Variants in GDF1 observed in about 807,000 individuals in gnomAD.
GDF1 encodes embryonic growth/differentiation factor 1.
A neutral mutation model predicts 7.4 loss-of-function variants in GDF1; 8 were observed. The ratio of observed to expected loss-of-function variants is 1.09; its 90% CI spans 0.64 to 1.96. The LOEUF is 1.96. Ranked by LOEUF, GDF1 falls within the 30% of genes most tolerant of loss-of-function variation. GDF1 has a pLI of 0.00. For missense variants in GDF1, 574 were observed against 551.5 expected, an observed-to-expected ratio of 1.04 and a Z score of -0.41; for synonymous variants, 311 against 276.7, an observed-to-expected ratio of 1.12 and a Z score of -1.23.
Position 18,879,300 on chromosome 19 carries a change from A to G in GDF1, c.-482T>C. The G allele has an allele frequency of 6.2e-7, 1 of 1,613,168 alleles. No individual in the cohort carries two copies. Among genetic ancestry groups the G allele is most frequent in the Non-Finnish European group, 8.5e-7 (1 of 1,179,598 alleles). ...AGCAGGAGCGCATTGAAGAAGAAGT[A>G]GAAGGGGATGTCAGGCACCGTGCGC... On this transcript the variant is annotated 5_prime_UTR_variant, in exon 5 of 8. Transcript: ENST00000247005.
At position 18,868,898 on chromosome 19, in the gene GDF1, T is replaced by C; in HGVS notation, c.818A>G (p.Tyr273Cys). The C allele has an allele frequency of 7.1e-7, 1 of 1,410,890 alleles. No individual in the cohort carries two copies. Among genetic ancestry groups the C allele is most frequent in the Non-Finnish European group, 9.3e-7 (1 of 1,074,300 alleles). 87.4% of individuals were successfully genotyped at this position (1,410,890 alleles called of 1,614,324 possible). The change falls in exon 8 of 8, where the codon TAC (tyrosine) becomes TGC (cysteine). Residue 273 changes from tyrosine to cysteine, a missense_variant. Transcript: ENST00000247005. ...PGGACRARRL[Y>C]VSFREVGWHR... ...CCAGCCCACCTCGCGGAAGCTCACG[T>C]ACAGCCGCCGCGCGCGACAAGCGCC...
intron 6 of GDF1, among the ~76,000 whole-genome samples, chr19:18,876,024 G>T (rs957054748): frequency 6.6e-6 from 1 of 152,224 alleles, no homozygotes; most frequent in Non-Finnish European, 1.5e-5. Flanking sequence ...TTGTTATAGA[G>T]TTCCTGGGAA....
In GDF1 at chr19:18,883,541, AAG is replaced by A. The variant is rs531952675; in HGVS notation, c.-733+544_-733+545del. 1.8e-4 allele frequency among the ~76,000 whole-genome samples: 27 copies of A among 149,684 alleles called. 1 individual carries two copies. In the Middle Eastern group the frequency reaches 0.014, roughly 76 times the overall value. ...GAGTGAGACCTTGTCTCAAAAAAAA[AAG>A]AGAGAGAGAAATAAAAGGGTGGATA... is the stretch of plus-strand genomic sequence containing the variant. On this transcript the variant is annotated intron_variant, in intron 3 of 7. Transcript: ENST00000247005.
At chr19:18,886,211 G>A (rs1484838026) in intron 2 of GDF1, among the ~76,000 whole-genome samples, 1 of 151,604 alleles carries the variant, frequency 6.6e-6, no homozygotes, top group Non-Finnish European at 1.5e-5. Context: ...TTCGAGACCA[G>A]CCTGGACAAC....
At chr19:18,869,848 G>A (rs2145988487) in intron 7 of GDF1, 135 bp downstream of exon 7, 1 of 815,292 alleles carries the variant, frequency 1.2e-6, no homozygotes, top group Non-Finnish European at 2.0e-6. Context: ...AGGTGCGGTG[G>A]CCGAAGTTGC....
rs1377289578 is a variant in GDF1, at chr19:18,868,841, A to G, written c.875T>C (p.Leu292Pro). 21 of 1,451,530 alleles carry G rather than the reference A, an allele frequency of 1.4e-5. 1 individual carries two copies. In the South Asian group the frequency reaches 2.0e-4, roughly 14 times the overall value. 89.9% of individuals were successfully genotyped at this position (1,451,530 alleles called of 1,614,324 possible). Residue 292 changes from leucine to proline, a missense_variant, in exon 8 of 8, where the codon CTG becomes CCG. Physicochemically the swap from Leu to Pro is moderately conservative, Grantham distance 98. Coordinates refer to ENST00000247005, the MANE Select transcript of GDF1 (RefSeq NM_001492.6). Reference protein sequence around the residue: ...HRWVIAPRGFLANYCQGQCAL... With the variant: ...HRWVIAPRGFPANYCQGQCAL... Reference sequence around the variant, plus strand: ...GCACTGACCCTGGCAGTAGTTGGCCAGGAAGCCGCGCGGCGCGATGACCCA... The same window carrying G: ...GCACTGACCCTGGCAGTAGTTGGCCGGGAAGCCGCGCGGCGCGATGACCCA...
At chr19:18,887,387 T>C (rs550416217) in intron 2 of GDF1, among the ~76,000 whole-genome samples, 43 of 152,226 alleles carry the variant, frequency 2.8e-4, no homozygotes, top group Admixed American at 2.3e-3. Context: ...GGGACGGGGT[T>C]TCCTTTTGTG....
chr19:18,877,162 C>T (rs2056073693), intron 6 of GDF1, among the ~76,000 whole-genome samples: 1 of 152,210 alleles, frequency 6.6e-6, no homozygotes, highest in South Asian at 2.1e-4. Flanking sequence ...TTCCCTGATA[C>T]TCTCTGGCAC....
intron 3 of GDF1, among the ~76,000 whole-genome samples, chr19:18,882,933 C>T (rs1329846486): frequency 2.0e-5 from 3 of 152,038 alleles, no homozygotes; most frequent in East Asian, 1.9e-4. Flanking sequence ...CCTCATGATC[C>T]GCTCGCCTCG....
chr19:18,871,223 ATTTTTT>A (rs572877061), intron 6 of GDF1, among the ~76,000 whole-genome samples: 5 of 119,792 alleles, frequency 4.2e-5, no homozygotes, highest in Admixed American at 1.7e-4. Context: ...ACTCCCAGCA[ATTTTTT>A]TTTTTTTTTT....
In GDF1 at chr19:18,868,721, G is replaced by A; in HGVS notation, c.995C>T (p.Ala332Val). The change falls in exon 8 of 8, where the codon GCC (alanine) becomes GTC (valine). Residue 332 changes from alanine (A) to valine (V), a missense_variant. Transcript: ENST00000247005. ...ALMHAAAPGA[A>V]DLPCCVPARL... ...CGCGGGCACGCAGCAGGGCAGGTCG[G>A]CGGCTCCCGGGGCGGCCGCGTGCAT... 1 of 1,541,942 alleles carries A rather than the reference G, an allele frequency of 6.5e-7. No individual in the cohort carries two copies. Among genetic ancestry groups the A allele is most frequent in the Non-Finnish European group, 8.8e-7 (1 of 1,141,556 alleles).
In GDF1 at chr19:18,869,130, C is replaced by T; in HGVS notation, c.586G>A (p.Ala196Thr). The stretch of plus-strand genomic sequence containing the variant: ...GCCCAAGCGGCGCCCAGCAGCTCCG[C>T]GCGCACTGGCGGCCCCAGGGCGGGC... Reference protein sequence around the residue: ...LVPALGPPVRAELLGAAWARN... With the variant: ...LVPALGPPVRTELLGAAWARN... Residue 196 changes from alanine to threonine, a missense_variant, in exon 8 of 8, where the codon GCG (alanine) becomes ACG (threonine). By Grantham distance (58) the Ala-to-Thr change is moderately conservative (BLOSUM62 0). Coordinates refer to ENST00000247005, the MANE Select transcript of GDF1 (RefSeq NM_001492.6). The T allele has an allele frequency of 9.1e-7, 1 of 1,099,004 alleles. No homozygotes were observed. Among genetic ancestry groups the T allele is most frequent in the Non-Finnish European group, 1.1e-6 (1 of 902,060 alleles). The allele number at this position is 1,099,004 out of a possible 1,614,324, so 68.1% of individuals were successfully genotyped here. A position where few individuals can be genotyped will look rare whatever the true frequency, so the allele number is the denominator to read the frequency against.
chr19:18,885,914 TGCCATGCCCGGGCAC>T lies in GDF1; in HGVS notation c.-913-1662_-913-1648del, dbSNP rs148606196. 3.7e-4 allele frequency among the ~76,000 whole-genome samples: 57 copies of T among 152,260 alleles called. 3 individuals are homozygous for T. The East Asian group carries it at 0.011, about 29-fold the overall frequency. ...ACAGATGCGGCTGCCCACGGAGTCT[TGCCATGCCCGGGCAC>T]ACCATGCCACCAAGCGCAGGGTCTC... On this transcript the variant is annotated intron_variant, in intron 2 of 7. Coordinates refer to ENST00000247005, the MANE Select transcript of GDF1 (RefSeq NM_001492.6).
chr19:18,886,143 T>C (rs367748928), intron 2 of GDF1, among the ~76,000 whole-genome samples: 25 of 150,166 alleles, frequency 1.7e-4, no homozygotes, highest in African/African-American at 4.3e-4. Context: ...CGGTGGCTCA[T>C]GCCTGTAATC....
intron 2 of GDF1, among the ~76,000 whole-genome samples, chr19:18,888,531 A>AC (rs2056415935): frequency 6.7e-6 from 1 of 148,446 alleles, no homozygotes; most frequent in Admixed American, 6.8e-5. Context: ...AAAAAAAAAA[A>AC]AAAAAAAAAA....
chr19:18,868,624 C>T lies in GDF1; in HGVS notation c.1092G>A (p.Met364Ile), dbSNP rs2145983859. The T allele has an allele frequency of 1.9e-6, 3 of 1,571,774 alleles. No individual in the cohort carries two copies. The highest frequency in any genetic ancestry group is 2.6e-6 in the Non-Finnish European group (3 of 1,158,764). The change falls in exon 8 of 8, where the codon ATG (methionine) becomes ATA (isoleucine). Residue 364 changes from methionine to isoleucine, a missense_variant. Transcript: ENST00000247005. The part of the protein sequence containing the change: ...DNVVLRQYED[M>I]VVDECGCR ...AGCGGCAGCCGCACTCGTCCACCAC[C>T]ATGTCCTCATACTGCCGCAGCACCA...
At position 18,895,389 on chromosome 19, in the gene GDF1, C is replaced by G. The variant is rs183991779; in HGVS notation, c.-1074+435G>C. Among the ~76,000 whole-genome samples the G allele has an allele frequency of 5.3e-4, 80 of 152,160 alleles. No individual in the cohort carries two copies. The highest frequency in any genetic ancestry group is 1.1e-3 in the Non-Finnish European group (72 of 68,020). ...GCGGTGCGCCGAGCCCTCCCGTTCC[C>G]GGTCCTGGGCTTCTCAGTGTCTGGC... On this transcript the variant is annotated intron_variant, in intron 1 of 7. Coordinates refer to ENST00000247005, the MANE Select transcript of GDF1 (RefSeq NM_001492.6). The surrounding 1 kb of genome is among the most constrained non-coding windows in gnomAD (Gnocchi z 6.4).
intron 7 of GDF1, 71 bp from the exon 8 acceptor site, chr19:18,869,461 C>T (rs2055922040): frequency 6.7e-7 from 1 of 1,496,960 alleles, no homozygotes; most frequent in Admixed American, 2.2e-5. Context: ...CGGTTAGGGA[C>T]AGGGAGGAAG....
chr19:18,884,107 G>A lies in GDF1; in HGVS notation c.-753C>T, dbSNP rs778764321. 1.6e-5 allele frequency: 26 copies of A among 1,613,358 alleles called. No homozygotes were observed. Among genetic ancestry groups the A allele is most frequent in the South Asian group, 8.8e-5 (8 of 90,964 alleles). ...CTTACCGGAAGGCGTAGGAGGAGAC[G>A]ATGAGGATGAGAGTGACCACGTGGT... On this transcript the variant is annotated 5_prime_UTR_variant, in exon 3 of 8. Coordinates refer to ENST00000247005, the MANE Select transcript of GDF1 (RefSeq NM_001492.6).
Sources: allele counts gnomAD v4.1 joint callset (sites outside exome capture counted in the v4.1 genomes callset), GRCh38; gene constraint gnomAD v4.1.1; non-coding constraint Gnocchi (gnomAD v3.1); transcripts MANE v1.5; gene names NCBI Gene and HGNC (gene_info 2026-07-23, HGNC 2026-07-21).